DHX29: variants seen among roughly 807,000 people sequenced by gnomAD.
DHX29 encodes the protein DExH-box helicase 29.
Under a neutral mutation model 167.9 loss-of-function variants are expected in DHX29, and 79 were observed. The observed-to-expected ratio is 0.47, with a 90% CI of 0.39 to 0.57. The LOEUF (loss-of-function observed/expected upper bound fraction) is 0.57. Ranked by LOEUF, DHX29 falls within the 20% of genes least tolerant of loss-of-function variation. The probability of loss-of-function intolerance (pLI) is 0.00; values close to 1 mark genes in which losing one functional copy is unlikely to be tolerated. For missense variants in DHX29, 1,347 were observed against 1,593.4 expected, an observed-to-expected ratio of 0.85 and a Z score of 2.63; for synonymous variants, 530 against 546.0, an observed-to-expected ratio of 0.97 and a Z score of 0.41.
Position 55,258,896 on chromosome 5 carries a change from G to A in DHX29, c.4057+952C>T, listed in dbSNP as rs1561131046. On this transcript the variant is annotated intron_variant, in intron 26 of 26. Coordinates refer to ENST00000251636, the MANE Select transcript of DHX29 (RefSeq NM_019030.4). The stretch of plus-strand genomic sequence containing the variant: ...AAGGATAATGTGTTTATTTTATACA[G>A]AGAAATAGCTCTGCATTTGAAAGAA... Among the ~76,000 whole-genome samples, 5 of 152,206 alleles carry A rather than the reference G, an allele frequency of 3.3e-5. No homozygotes were observed. The South Asian group carries it at 6.2e-4, about 19-fold the overall frequency.
At chr5:55,305,980 G>A (rs1467726443) in intron 1 of DHX29, among the ~76,000 whole-genome samples, 5 of 152,116 alleles carry the variant, frequency 3.3e-5, no homozygotes, top group African/African-American at 4.8e-5. Flanking sequence ...GGGGCTGGAG[G>A]AAAGGGAATT....
chr5:55,259,557 A>G (rs899236340), intron 26 of DHX29, among the ~76,000 whole-genome samples: 1 of 152,150 alleles, frequency 6.6e-6, no homozygotes, highest in Non-Finnish European at 1.5e-5. Flanking sequence ...CTCAGGTTCA[A>G]GTGATTCTTG....
chr5:55,275,333 C>T (rs1747054887), intron 14 of DHX29, among the ~76,000 whole-genome samples: 1 of 152,108 alleles, frequency 6.6e-6, no homozygotes, highest in Admixed American at 6.6e-5. Flanking sequence ...TAAAAAGCAG[C>T]CAGGCCAAGA....
intron 1 of DHX29, among the ~76,000 whole-genome samples, chr5:55,301,161 G>A (rs974819105): frequency 1.3e-5 from 2 of 152,130 alleles, no homozygotes; most frequent in African/African-American, 2.4e-5. Flanking sequence ...CTGGGGGTAA[G>A]GGTCTCAACA....
rs778540290 is a variant in DHX29, at chr5:55,303,221, T to C, written c.187+4166A>G. On this transcript the variant is annotated intron_variant, in intron 1 of 26. Transcript: ENST00000251636. ...GGAAAAAGCAATGCTAATGACCCAC[T>C]ATGACTAAGACATTGACTTTGAGTT... 4.0e-4 allele frequency among the ~76,000 whole-genome samples: 61 copies of C among 152,178 alleles called. 1 individual carries two copies. Among genetic ancestry groups the C allele is most frequent in the Non-Finnish European group, 1.5e-4 (10 of 68,020 alleles).
rs147507785 is a variant in DHX29, at chr5:55,285,809, A to G, written c.1119T>C (p.Ser373=). The change falls in exon 9 of 27, where the codon AGT becomes AGC. Residue 373 remains serine, a synonymous_variant. Coordinates refer to ENST00000251636, the MANE Select transcript of DHX29 (RefSeq NM_019030.4). ...ATTGTTTGGGAGATTTTCCAGTCCA[A>G]CTTCGAGCAGTATAGTCAAAATTTC... is the stretch of plus-strand genomic sequence containing the variant. The part of the protein sequence containing the change: ...DVRNFDYTAR[S]WTGKSPKQFL... 234 of 1,602,948 alleles carry G rather than the reference A, an allele frequency of 1.5e-4. No individual in the cohort carries two copies. The African/African-American group carries it at 2.6e-3, about 17-fold the overall frequency.
At chr5:55,267,970 T>C (rs1746666310) in intron 21 of DHX29, 148 bp from the exon 22 acceptor site, 1 of 387,536 alleles carries the variant, frequency 2.6e-6, no homozygotes, top group African/African-American at 2.1e-5. Flanking sequence ...TTAGTATTAT[T>C]ATACTAATTA....
intron 17 of DHX29, among the ~76,000 whole-genome samples, chr5:55,272,826 A>G (rs2455318): frequency 0.11 from 16,714 of 151,716 alleles, 1,047 homozygotes; most frequent in East Asian, 0.26. Context: ...TATTATTAGG[A>G]AAAAAAAATC....
intron 23 of DHX29, among the ~76,000 whole-genome samples, chr5:55,263,592 C>T (rs1285533288): frequency 1.3e-5 from 2 of 151,528 alleles, no homozygotes; most frequent in Non-Finnish European, 2.9e-5. Context: ...AGAGAAAAGA[C>T]CAAACAGACA....
chr5:55,259,283 C>T (rs1421542160), intron 26 of DHX29, among the ~76,000 whole-genome samples: 1 of 152,024 alleles, frequency 6.6e-6, no homozygotes, highest in East Asian at 1.9e-4. Flanking sequence ...TTAAAAGAGA[C>T]AGGAGTAAAC....
Position 55,298,607 on chromosome 5 carries a change from TC to T in DHX29, c.244del (p.Asp82IlefsTer5). ...TNDSSGPANLDKSILKVVINN... is the reference protein window; with the variant it reads ...TNDSSGPANLXKSILKVVINN... ...GTTACTTACTTTCAAAATAGATTTA[TC>T]CAGATTTGCAGGACCACTAGAATCA... On this transcript the variant is annotated frameshift_variant, in exon 2 of 27. Transcript: ENST00000251636. LOFTEE classifies it high-confidence loss of function. 1 of 1,553,200 alleles carries T rather than the reference TC, an allele frequency of 6.4e-7. No homozygotes were observed. The highest frequency in any genetic ancestry group is 8.9e-7 in the Non-Finnish European group (1 of 1,126,590).
In DHX29 at chr5:55,262,788, G is replaced by T. The variant is rs757723079; in HGVS notation, c.3670C>A (p.Leu1224Met). ...ATTATCTTCCCCACATTGTCATACA[G>T]TCCAGCCACCAGTACAGCTTTAAGA... ...ALLKAVLVAG[L>M]YDNVGKIIYT... The change falls in exon 24 of 27, where the codon CTG becomes ATG. Residue 1224 changes from leucine to methionine, a missense_variant. By Grantham distance (15) the Leu-to-Met change is conservative (BLOSUM62 2). Transcript: ENST00000251636. 1.9e-6 allele frequency: 3 copies of T among 1,613,952 alleles called. No individual in the cohort carries two copies. Among genetic ancestry groups the T allele is most frequent in the Non-Finnish European group, 2.5e-6 (3 of 1,180,006 alleles).
At chr5:55,257,770 A>T (rs1480543978) in intron 26 of DHX29, among the ~76,000 whole-genome samples, 1 of 152,200 alleles carries the variant, frequency 6.6e-6, no homozygotes, top group African/African-American at 2.4e-5. Flanking sequence ...CCAACTTGGT[A>T]AGTTCTGCTC....
rs1442081078 is a variant in DHX29, at chr5:55,285,293, C to T, written c.1356G>A (p.Gln452=). The T allele has an allele frequency of 2.5e-6, 4 of 1,613,578 alleles. No individual in the cohort carries two copies. The highest frequency in any genetic ancestry group is 1.3e-5 in the African/African-American group (1 of 74,896). The stretch of plus-strand genomic sequence containing the variant: ...TATAGTTAGGCCTAAAAAGTCTTAC[C>T]TGCCCTTTAACTAAACGGTAAAGGG... The part of the protein sequence containing the change: ...TLALYRLVKG[Q]SVHQLLPPTY... The change falls in exon 10 of 27, where the codon CAG becomes CAA. Residue 452 remains glutamine (Q), a splice_region_variant and synonymous_variant. Coordinates refer to ENST00000251636, the MANE Select transcript of DHX29 (RefSeq NM_019030.4).
chr5:55,282,694 T>C (rs991103653), intron 11 of DHX29, among the ~76,000 whole-genome samples: 1 of 152,234 alleles, frequency 6.6e-6, no homozygotes, highest in Admixed American at 6.5e-5. Context: ...GTTTTGCATA[T>C]ACTTGCATGG....
At chr5:55,294,465 G>A (rs993176195) in intron 5 of DHX29, among the ~76,000 whole-genome samples, 2 of 152,190 alleles carry the variant, frequency 1.3e-5, no homozygotes, top group African/African-American at 4.8e-5. Context: ...ACAAGGTCAG[G>A]AGATAGAGAC....
chr5:55,286,240 C>T (rs1472755916), intron 8 of DHX29, among the ~76,000 whole-genome samples: 1 of 146,034 alleles, frequency 6.8e-6, no homozygotes, highest in Non-Finnish European at 1.5e-5. Context: ...GGTGACAGAG[C>T]GACACTCCGT....
intron 21 of DHX29, 85 bp downstream of exon 21, chr5:55,269,328 T>C: frequency 7.3e-7 from 1 of 1,365,272 alleles, no homozygotes; most frequent in Non-Finnish European, 1.0e-6. Context: ...TTAAAAAAAT[T>C]TTTACTTAAC....
chr5:55,267,657 T>A (rs753201999), intron 22 of DHX29, 29 bp downstream of exon 22: 6 of 1,575,020 alleles, frequency 3.8e-6, no homozygotes, highest in Non-Finnish European at 5.2e-6. Context: ...GTAATTGGCT[T>A]ACTGATAACA....
Sources: allele counts gnomAD v4.1 joint callset (sites outside exome capture counted in the v4.1 genomes callset), GRCh38; gene constraint gnomAD v4.1.1; transcripts MANE v1.5; gene names NCBI Gene and HGNC (gene_info 2026-07-23, HGNC 2026-07-21).